RGS7: variants seen among roughly 807,000 people sequenced by gnomAD.
The protein encoded by RGS7 is regulator of G-protein signaling 7.
Under a neutral mutation model 81.1 loss-of-function variants are expected in RGS7, and 27 were observed. The observed-to-expected ratio is 0.33, with a 90% CI of 0.25 to 0.46. The LOEUF (loss-of-function observed/expected upper bound fraction) is 0.46, where lower values mean the gene tolerates loss of function less well. Ranked by LOEUF, RGS7 falls within the 20% of genes least tolerant of loss-of-function variation. The pLI is 1.00. For missense variants in RGS7, 396 were observed against 607.4 expected (o/e 0.65, Z 3.66); for synonymous variants, 208 against 207.7 (o/e 1.00, Z -0.01).
intron 2 of RGS7, among the ~76,000 whole-genome samples, chr1:241,244,634 C>T (rs2076428484): frequency 6.6e-6 from 1 of 152,130 alleles, no homozygotes; most frequent in African/African-American, 2.4e-5. Flanking sequence ...ATAAATCATG[C>T]TGCTCTAAAG....
In RGS7 at chr1:241,259,520, C is replaced by T. The variant is rs532102130; in HGVS notation, c.78+96179G>A. ...ACAAAATTAGTCAAGCGTGGTGGTG[C>T]ATGCCTGTAATCTCAGCTACTCGGG... On this transcript the variant is annotated intron_variant, in intron 2 of 18. Coordinates refer to ENST00000440928, the MANE Select transcript of RGS7 (RefSeq NM_001364886.1). 1.3e-5 allele frequency among the ~76,000 whole-genome samples: 2 copies of T among 151,058 alleles called. 1 individual carries two copies. Among genetic ancestry groups the T allele is most frequent in the Admixed American group, 1.3e-4 (2 of 15,116 alleles).
At chr1:241,160,127 A>G (rs900753668) in intron 2 of RGS7, among the ~76,000 whole-genome samples, 17 of 145,030 alleles carry the variant, frequency 1.2e-4, no homozygotes, top group Middle Eastern at 7.0e-3. Context: ...AAAAAAAAAA[A>G]AAAGAAAAAG....
At chr1:241,029,371 G>A (rs974725138) in intron 3 of RGS7, among the ~76,000 whole-genome samples, 21 of 151,940 alleles carry the variant, frequency 1.4e-4, no homozygotes, top group Non-Finnish European at 2.6e-4. Context: ...ATAACCCCTC[G>A]AAATCTAGCT....
intron 18 of RGS7, among the ~76,000 whole-genome samples, chr1:240,797,265 A>G (rs1198677693): frequency 6.6e-6 from 1 of 152,046 alleles, no homozygotes; most frequent in East Asian, 1.9e-4. Context: ...CAGTCATCCT[A>G]CCCTGTTTTT....
At chr1:240,834,076 T>C (rs1184341717) in intron 9 of RGS7, among the ~76,000 whole-genome samples, 1 of 152,232 alleles carries the variant, frequency 6.6e-6, no homozygotes. Flanking sequence ...TGCGAAGCAC[T>C]GTGCCTAGCC....
At chr1:241,319,014 T>C (rs1215089542) in intron 2 of RGS7, among the ~76,000 whole-genome samples, 1 of 152,196 alleles carries the variant, frequency 6.6e-6, no homozygotes, top group Non-Finnish European at 1.5e-5. Context: ...GTGGATCATG[T>C]GTGATTTTTC....
intron 14 of RGS7, among the ~76,000 whole-genome samples, chr1:240,809,511 G>A (rs577028517): frequency 6.6e-6 from 1 of 152,234 alleles, no homozygotes; most frequent in South Asian, 2.1e-4. Context: ...GGGGAGCAGT[G>A]GACAGTAGCT....
chr1:241,166,609 G>C (rs1360061170), intron 2 of RGS7, among the ~76,000 whole-genome samples: 2 of 152,146 alleles, frequency 1.3e-5, no homozygotes, highest in Non-Finnish European at 2.9e-5. Context: ...GAATTATCGT[G>C]AATAAGTAAT....
chr1:240,845,422 T>C (rs1328462963), intron 9 of RGS7, among the ~76,000 whole-genome samples: 6 of 152,206 alleles, frequency 3.9e-5, no homozygotes, highest in African/African-American at 1.4e-4. Context: ...CTAGTTAACA[T>C]GCACAAAGCC....
chr1:241,281,347 C>G (rs1011696880), intron 2 of RGS7, among the ~76,000 whole-genome samples: 5 of 152,230 alleles, frequency 3.3e-5, no homozygotes, highest in African/African-American at 1.2e-4. Context: ...GTGGTGAGCT[C>G]AAGTGTTGTG....
chr1:241,048,909 C>T (rs868593081), intron 3 of RGS7, among the ~76,000 whole-genome samples: 1 of 152,184 alleles, frequency 6.6e-6, no homozygotes, highest in African/African-American at 2.4e-5. Context: ...ATCTCCCTGC[C>T]TCTTCCTAGA....
chr1:241,287,860 A>G (rs2078903565), intron 2 of RGS7, among the ~76,000 whole-genome samples: 1 of 152,208 alleles, frequency 6.6e-6, no homozygotes, highest in African/African-American at 2.4e-5. Flanking sequence ...GGGCAAATGC[A>G]GGGGCCATAT....
chr1:241,016,289 G>A (rs896122221), intron 3 of RGS7, among the ~76,000 whole-genome samples: 2 of 152,122 alleles, frequency 1.3e-5, no homozygotes, highest in South Asian at 2.1e-4. Context: ...GGAGGCCAAG[G>A]TGGTCTGATT....
intron 2 of RGS7, among the ~76,000 whole-genome samples, chr1:241,292,421 C>T (rs1246244847): frequency 2.0e-5 from 3 of 152,032 alleles, no homozygotes; most frequent in Non-Finnish European, 4.4e-5. Context: ...AAACTACTCC[C>T]GGGAAAGGGA....
chr1:241,049,081 TGATCTCATCTTAACTTC>T (rs2061108941), intron 3 of RGS7, among the ~76,000 whole-genome samples: 1 of 152,216 alleles, frequency 6.6e-6, no homozygotes. Context: ...TCCACCCCGG[TGATCTCATCTTAACTTC>T]GTTACATCTT....
chr1:241,319,151 A>G (rs959475655), intron 2 of RGS7, among the ~76,000 whole-genome samples: 1 of 152,212 alleles, frequency 6.6e-6, no homozygotes, highest in African/African-American at 2.4e-5. Flanking sequence ...TGCCTCTGGC[A>G]TCTTTAACTT....
chr1:241,343,248 C>T (rs549541606), intron 2 of RGS7, among the ~76,000 whole-genome samples: 31 of 130,284 alleles, frequency 2.4e-4, no homozygotes, highest in African/African-American at 8.3e-4. Flanking sequence ...GGCGACAGAG[C>T]GAGACTGTGT....
At chr1:240,987,640 C>T (rs908059732) in intron 3 of RGS7, among the ~76,000 whole-genome samples, 1 of 152,048 alleles carries the variant, frequency 6.6e-6, no homozygotes, top group Non-Finnish European at 1.5e-5. Context: ...CCCCCTGTCC[C>T]AGCCTCCCAA....
At chr1:240,830,797 T>G (rs761726372) in intron 9 of RGS7, among the ~76,000 whole-genome samples, 1 of 152,226 alleles carries the variant, frequency 6.6e-6, no homozygotes, top group Non-Finnish European at 1.5e-5. Context: ...CCAGGGGTCA[T>G]AATTAACAAA....
Sources: allele counts gnomAD v4.1 joint callset (sites outside exome capture counted in the v4.1 genomes callset), GRCh38; gene constraint gnomAD v4.1.1; transcripts MANE v1.5; gene names NCBI Gene and HGNC (gene_info 2026-07-23, HGNC 2026-07-21).